The following SRRM2 variants were observed in gnomAD, a reference collection of about 807,000 sequenced individuals.
SRRM2 encodes the protein serine/arginine repetitive matrix protein 2.
Under a neutral mutation model 213.8 loss-of-function variants are expected in SRRM2, and 30 were observed. The ratio of observed to expected loss-of-function variants is 0.14; its 90% CI spans 0.10 to 0.19. SRRM2 has a LOEUF of 0.19. Ranked by LOEUF, SRRM2 falls within the 10% of genes least tolerant of loss-of-function variation. The probability of loss-of-function intolerance (pLI) is 1.00; values close to 1 mark genes in which losing one functional copy is unlikely to be tolerated. For synonymous variants in SRRM2, 2,025 were observed against 1,377.7 expected (o/e 1.47, Z -10.40); for missense variants, 4,904 against 3,647.0 (o/e 1.34, Z -8.88).
At position 2,769,090 on chromosome 16, in the gene SRRM2, T is replaced by C; in HGVS notation, c.7827T>C (p.Ser2609=). The stretch of plus-strand genomic sequence containing the variant: ...CCAAACGGAAGAGGCGCTCTAGCAG[T>C]TCCAGTTCCAGCTCCTCCTCTTCAT... ...TPAKRKRRSS[S]SSSSSSSSSS... is the part of the protein sequence containing the mutation. The change falls in exon 12 of 15, where the codon AGT becomes AGC. Residue 2609 remains serine (S), a synonymous_variant. Coordinates refer to ENST00000301740, the MANE Select transcript of SRRM2 (RefSeq NM_016333.4). 1.9e-6 allele frequency: 3 copies of C among 1,613,956 alleles called. No homozygotes were observed. The highest frequency in any genetic ancestry group is 2.5e-6 in the Non-Finnish European group (3 of 1,179,976).
chr16:2,771,242 T>A lies in SRRM2; in HGVS notation c.*375T>A. 1.4e-6 allele frequency: 1 copy of A among 708,676 alleles called. No homozygotes were observed. The highest frequency in any genetic ancestry group is 2.5e-6 in the Non-Finnish European group (1 of 404,848). 43.9% of individuals were successfully genotyped at this position (708,676 alleles called of 1,614,324 possible). On this transcript the variant is annotated 3_prime_UTR_variant, in exon 15 of 15. Coordinates refer to ENST00000301740, the MANE Select transcript of SRRM2 (RefSeq NM_016333.4). ...GGTTGGGACTGGAGGTTGTATAAGGTGTTCTTGGAAGGAAGGGGCAGGAGT... is the reference window on the plus strand; with the variant it reads ...GGTTGGGACTGGAGGTTGTATAAGGAGTTCTTGGAAGGAAGGGGCAGGAGT...
chr16:2,756,329 C>A lies in SRRM2; in HGVS notation c.-31-5C>A. ...CCTGACCCGTGTCTCCCCGCTCCCC[C>A]TCAGGAGCGGTGGTGCCCCCCCCGG... On this transcript the variant is annotated splice_polypyrimidine_tract_variant and splice_region_variant and intron_variant, in intron 1 of 14. Coordinates refer to ENST00000301740, the MANE Select transcript of SRRM2 (RefSeq NM_016333.4). 6.4e-7 allele frequency: 1 copy of A among 1,562,672 alleles called. No individual in the cohort carries two copies. Among genetic ancestry groups the A allele is most frequent in the South Asian group, 1.2e-5 (1 of 85,956 alleles).
At chr16:2,769,806 C>T in intron 12 of SRRM2, 1 of 466,104 alleles carries the variant, frequency 2.1e-6, no homozygotes, top group South Asian at 1.5e-5. Flanking sequence ...CACCAACGGG[C>T]CTTGCCCGCC....
At chr16:2,769,621 T>A (rs970573456) in intron 12 of SRRM2, 8 of 592,596 alleles carry the variant, frequency 1.3e-5, no homozygotes, top group Non-Finnish European at 2.2e-5. Flanking sequence ...CCCGACTCTG[T>A]CCACAGCCTC....
rs199990052 is a variant in SRRM2 at position 2,765,922 on chromosome 16, T to A, written c.5394T>A (p.Ser1798=). Residue 1798 remains serine (S), a synonymous_variant, in exon 11 of 15, where the codon TCT becomes TCA. Coordinates refer to ENST00000301740, the MANE Select transcript of SRRM2 (RefSeq NM_016333.4). ...GGTCTGGATCTTCTCAGTCAACCTC[T>A]CGGCGAAGACAGCGGAGCCGGTCAA... ...RDRSGSSQST[S]RRRQRSRSRS... is the part of the protein sequence containing the mutation. 1 of 1,613,986 alleles carries A rather than the reference T, an allele frequency of 6.2e-7. No individual in the cohort carries two copies. Among genetic ancestry groups the A allele is most frequent in the African/African-American group, 1.3e-5 (1 of 74,940 alleles).
Position 2,763,192 on chromosome 16 carries a change from A to T in SRRM2, c.2664A>T (p.Arg888Ser). The T allele has an allele frequency of 6.2e-7, 1 of 1,614,066 alleles. No individual in the cohort carries two copies. Among genetic ancestry groups the T allele is most frequent in the Non-Finnish European group, 8.5e-7 (1 of 1,180,000 alleles). Residue 888 changes from arginine (R) to serine (S), a missense_variant, in exon 11 of 15, where the codon AGA becomes AGT. Coordinates refer to ENST00000301740, the MANE Select transcript of SRRM2 (RefSeq NM_016333.4). Reference sequence around the variant, plus strand: ...AGTTGAAATCTAGGACCCCTTCTAGACATAGCTGCTCAGGGTCCTCTCCTC... The same window carrying T: ...AGTTGAAATCTAGGACCCCTTCTAGTCATAGCTGCTCAGGGTCCTCTCCTC... Reference protein sequence around the residue: ...DPELKSRTPSRHSCSGSSPPR... With the variant: ...DPELKSRTPSSHSCSGSSPPR...
chr16:2,763,430 A>G lies in SRRM2; in HGVS notation c.2902A>G (p.Ser968Gly), dbSNP rs749102950. The G allele has an allele frequency of 5.1e-5, 83 of 1,614,256 alleles. 2 individuals are homozygous for G. The highest frequency in any genetic ancestry group is 4.2e-4 in the South Asian group (38 of 91,086). The change falls in exon 11 of 15, where the codon AGT becomes GGT. Residue 968 changes from serine to glycine, a missense_variant. Ser to Gly is a moderately conservative substitution (Grantham distance 56). Coordinates refer to ENST00000301740, the MANE Select transcript of SRRM2 (RefSeq NM_016333.4). Reference sequence around the variant, plus strand: ...GGAATCCAGATTGTTGCCAAGATACAGTCATTCTGGGTCCTCCTCACCAGA... The same window carrying G: ...GGAATCCAGATTGTTGCCAAGATACGGTCATTCTGGGTCCTCCTCACCAGA... ...NVESRLLPRY[S>G]HSGSSSPDTK... is the part of the protein sequence containing the mutation.
rs2068200025 is a variant in SRRM2, at chr16:2,757,802, G to A, written c.372G>A (p.Leu124=). The change falls in exon 4 of 15, where the codon TTG becomes TTA. Residue 124 remains leucine (L), a synonymous_variant. Transcript: ENST00000301740. ...QRPAVTETHQ[L]AELNEKKNER... is the part of the protein sequence containing the mutation. ...CTAGGGTCACGGAGACTCACCAGTT[G>A]GCAGAATTAAATGAGAAGAAGAATG... is the stretch of plus-strand genomic sequence containing the variant. The A allele has an allele frequency of 6.2e-7, 1 of 1,613,950 alleles. No homozygotes were observed. Among genetic ancestry groups the A allele is most frequent in the Non-Finnish European group, 8.5e-7 (1 of 1,179,990 alleles).
At chr16:2,757,989 G>T in intron 4 of SRRM2, 44 bp downstream of exon 4, 1 of 1,580,024 alleles carries the variant, frequency 6.3e-7, no homozygotes. Context: ...TTTCTTGATT[G>T]TAAGCTCCAT....
rs2068410023 is a variant in SRRM2, at chr16:2,762,898, A to G, written c.2370A>G (p.Ser790=). 1 of 1,614,146 alleles carries G rather than the reference A, an allele frequency of 6.2e-7. No homozygotes were observed. Among genetic ancestry groups the G allele is most frequent in the Non-Finnish European group, 8.5e-7 (1 of 1,180,014 alleles). The part of the protein sequence containing the change: ...SGSSPCPKQK[S]QTPPRRSRSG... ...CTTCCCCATGCCCTAAACAAAAGTCACAGACACCACCCAGGCGCAGTCGCT... is the reference window on the plus strand; with the variant it reads ...CTTCCCCATGCCCTAAACAAAAGTCGCAGACACCACCCAGGCGCAGTCGCT... Residue 790 remains serine (S), a synonymous_variant, in exon 11 of 15, where the codon TCA becomes TCG. Transcript: ENST00000301740.
chr16:2,754,224 G>A (rs539123841), intron 1 of SRRM2, among the ~76,000 whole-genome samples: 19 of 151,988 alleles, frequency 1.3e-4, no homozygotes, highest in African/African-American at 4.1e-4. Context: ...GGTGGACTAG[G>A]TGGCTCATTC....
At position 2,771,030 on chromosome 16, in the gene SRRM2, C is replaced by A. The variant is rs1427161662; in HGVS notation, c.*163C>A. On this transcript the variant is annotated 3_prime_UTR_variant, in exon 15 of 15. Transcript: ENST00000301740. ...CCCTCCCCTTTTTTTTTTCTTTGTT[C>A]CTGTGAAATGTTAATCTCCGTGAGT... 3.9e-6 allele frequency: 3 copies of A among 771,788 alleles called. No individual in the cohort carries two copies. The highest frequency in any genetic ancestry group is 6.0e-6 in the Non-Finnish European group (3 of 496,438). The allele number at this position is 771,788 out of a possible 1,614,324, so 47.8% of individuals were successfully genotyped here. A position where few individuals can be genotyped will look rare whatever the true frequency, so the allele number is the denominator to read the frequency against.
rs759183202 is a variant in SRRM2 at position 2,769,159 on chromosome 16, CTCTTCTTCT to C, written c.7902_7910del (p.Ser2646_Ser2648del). 1 of 1,609,992 alleles carries C rather than the reference CTCTTCTTCT, an allele frequency of 6.2e-7. No homozygotes were observed. Among genetic ancestry groups the C allele is most frequent in the East Asian group, 2.2e-5 (1 of 44,838 alleles). On this transcript the variant is annotated inframe_deletion, in exon 12 of 15. Coordinates refer to ENST00000301740, the MANE Select transcript of SRRM2 (RefSeq NM_016333.4). ...CCTCCTCTTCTTCCTCCTCCTCTTCCTCTTCTTCTTCTTCCTCCTCATCTTCCTCCTCCT... is the reference window on the plus strand; with the variant it reads ...CCTCCTCTTCTTCCTCCTCCTCTTCCTCTTCCTCCTCATCTTCCTCCTCCT...
chr16:2,764,838 G>A lies in SRRM2; in HGVS notation c.4310G>A (p.Arg1437Lys), dbSNP rs2068484239. Residue 1437 changes from arginine (R) to lysine (K), a missense_variant, in exon 11 of 15, where the codon AGG becomes AAG. Coordinates refer to ENST00000301740, the MANE Select transcript of SRRM2 (RefSeq NM_016333.4). ...MKDGLPRTPS[R>K]RSRSGSSPGL... is the part of the protein sequence containing the mutation. ...GATGGTTTACCCAGAACTCCATCAAGGAGAAGCAGGTCTGGGTCTTCTCCA... is the reference window on the plus strand; with the variant it reads ...GATGGTTTACCCAGAACTCCATCAAAGAGAAGCAGGTCTGGGTCTTCTCCA... The A allele has an allele frequency of 1.9e-6, 3 of 1,614,184 alleles. No homozygotes were observed. The highest frequency in any genetic ancestry group is 2.5e-6 in the Non-Finnish European group (3 of 1,180,032).
intron 2 of SRRM2, 127 bp from the exon 3 acceptor site, chr16:2,757,345 T>C (rs956950281): frequency 2.9e-6 from 2 of 690,764 alleles, no homozygotes; most frequent in African/African-American, 1.8e-5. Flanking sequence ...AAGGGACTTT[T>C]GGGTGAGCGA....
chr16:2,756,734 G>A lies in SRRM2; in HGVS notation c.242+128G>A. The stretch of plus-strand genomic sequence containing the variant: ...AAGAGTTGTGGTAGGGGAGGAGGCA[G>A]ATGAGCTCTAGAGAAGTGAAAACAG... On this transcript the variant is annotated intron_variant, in intron 2 of 14. Coordinates refer to ENST00000301740, the MANE Select transcript of SRRM2 (RefSeq NM_016333.4). The A allele has an allele frequency of 3.0e-6, 4 of 1,315,368 alleles. 2 individuals are homozygous for A. In the South Asian group the frequency reaches 5.9e-5, roughly 19 times the overall value. The allele number at this position is 1,315,368 out of a possible 1,614,324, so 81.5% of individuals were successfully genotyped here.
chr16:2,766,499 C>G lies in SRRM2; in HGVS notation c.5971C>G (p.Arg1991Gly). 1.2e-6 allele frequency: 2 copies of G among 1,613,956 alleles called. No individual in the cohort carries two copies. The highest frequency in any genetic ancestry group is 1.7e-6 in the Non-Finnish European group (2 of 1,179,972). ...AAGATCCAGAACATCTCCGGTCACC[C>G]GAAGGAGATCTCGATCTCGCACATC... ...RSRSRTSPVT[R>G]RRSRSRTSPV... The change falls in exon 11 of 15, where the codon CGA becomes GGA. Residue 1991 changes from arginine (R) to glycine (G), a missense_variant. Transcript: ENST00000301740. The surrounding 1 kb of genome is among the most constrained non-coding windows in gnomAD (Gnocchi z 7.0).
rs2068513163 is a variant in SRRM2 at position 2,765,629 on chromosome 16, G to C, written c.5101G>C (p.Ala1701Pro). 4 of 1,614,106 alleles carry C rather than the reference G, an allele frequency of 2.5e-6. No individual in the cohort carries two copies. Among genetic ancestry groups the C allele is most frequent in the Non-Finnish European group, 3.4e-6 (4 of 1,180,018 alleles). Residue 1701 changes from alanine (A) to proline (P), a missense_variant, in exon 11 of 15, where the codon GCC (alanine) becomes CCC (proline). Physicochemically the swap from Ala to Pro is conservative, Grantham distance 27 (BLOSUM62 -1). Coordinates refer to ENST00000301740, the MANE Select transcript of SRRM2 (RefSeq NM_016333.4). ...SRSSPELTRK[A>P]RLSRRSRSAS... ...ATCATCTCCGGAGCTAACAAGGAAG[G>C]CCAGACTGTCCCGTAGAAGCCGCTC...
In SRRM2 at chr16:2,769,155, C is replaced by A. The variant is rs1425363791; in HGVS notation, c.7892C>A (p.Ser2631Tyr). The change falls in exon 12 of 15, where the codon TCT becomes TAT. Residue 2631 changes from serine (S) to tyrosine (Y), a missense_variant. Coordinates refer to ENST00000301740, the MANE Select transcript of SRRM2 (RefSeq NM_016333.4). Reference sequence around the variant, plus strand: ...TCCTCCTCCTCTTCTTCCTCCTCCTCTTCCTCTTCTTCTTCTTCCTCCTCA... The same window carrying A: ...TCCTCCTCCTCTTCTTCCTCCTCCTATTCCTCTTCTTCTTCTTCCTCCTCA... ...SSSSSSSSSS[S>Y]SSSSSSSSSS... 1.9e-6 allele frequency: 3 copies of A among 1,612,204 alleles called. No individual in the cohort carries two copies. Among genetic ancestry groups the A allele is most frequent in the Non-Finnish European group, 2.5e-6 (3 of 1,178,486 alleles).
Sources: gnomAD v4.1 joint callset for allele counts (sites outside exome capture counted in the v4.1 genomes callset) on GRCh38, gnomAD v4.1.1 for gene constraint, Gnocchi (gnomAD v3.1) non-coding constraint, MANE v1.5 for transcripts, NCBI Gene and HGNC (gene_info 2026-07-23, HGNC 2026-07-21) for gene names.